The following ZNF618 variants were observed in gnomAD, a reference collection of about 807,000 sequenced individuals.
The protein encoded by ZNF618 is neural precursor cell expressed, developmentally down-regulated 10.
ZNF618 carries 34 observed loss-of-function variants against 103.0 expected under a neutral mutation model. The ratio of observed to expected loss-of-function variants is 0.33; its 90% CI spans 0.25 to 0.44. The LOEUF (loss-of-function observed/expected upper bound fraction) is 0.44. Ranked by LOEUF, ZNF618 falls within the 20% of genes least tolerant of loss-of-function variation. The pLI is 1.00. For missense variants in ZNF618, 1,059 were observed against 1,295.4 expected, an observed-to-expected ratio of 0.82 and a Z score of 2.80; for synonymous variants, 551 against 542.2, an observed-to-expected ratio of 1.02 and a Z score of -0.23.
At chr9:113,974,673 T>C (rs904630356) in intron 2 of ZNF618, among the ~76,000 whole-genome samples, 1 of 152,070 alleles carries the variant, frequency 6.6e-6, no homozygotes, top group Non-Finnish European at 1.5e-5. Flanking sequence ...CAGCCTCCTG[T>C]GTGTTTCTTG....
intron 1 of ZNF618, among the ~76,000 whole-genome samples, chr9:113,964,265 CA>C (rs1402960937): frequency 6.6e-6 from 1 of 152,210 alleles, no homozygotes; most frequent in Non-Finnish European, 1.5e-5. Context: ...AAAGGCATTT[CA>C]TTCTTCGAGA....
intron 1 of ZNF618, among the ~76,000 whole-genome samples, chr9:113,914,965 CCT>C (rs984380958): frequency 7.2e-5 from 11 of 152,282 alleles, no homozygotes; most frequent in African/African-American, 2.6e-4. Flanking sequence ...AATTTGCACC[CCT>C]GTCTAAGAAC....
At chr9:113,894,032 A>G (rs187761035) in intron 1 of ZNF618, among the ~76,000 whole-genome samples, 7 of 152,330 alleles carry the variant, frequency 4.6e-5, no homozygotes, top group African/African-American at 1.2e-4. Context: ...AAGAGTCATA[A>G]TACCACAGTG....
At chr9:113,911,446 A>G (rs921671291) in intron 1 of ZNF618, among the ~76,000 whole-genome samples, 3 of 151,974 alleles carry the variant, frequency 2.0e-5, no homozygotes, top group Admixed American at 6.6e-5. Context: ...CTCCTGTCTT[A>G]GCCTCCCGAG....
chr9:114,036,747 CAG>C (rs1932755234), intron 13 of ZNF618, among the ~76,000 whole-genome samples: 1 of 152,184 alleles, frequency 6.6e-6, no homozygotes, highest in South Asian at 2.1e-4. Flanking sequence ...TGAGCAGAGA[CAG>C]AAGGTGGGGA....
chr9:113,951,455 A>ATGTG (rs1308606497), intron 1 of ZNF618, among the ~76,000 whole-genome samples: 8,487 of 33,302 alleles, frequency 0.25, 2,530 homozygotes, highest in Middle Eastern at 0.4. Context: ...ATATGTGTAT[A>ATGTG]TATACATATA....
intron 12 of ZNF618, among the ~76,000 whole-genome samples, chr9:114,034,472 A>G (rs984306569): frequency 2.0e-5 from 3 of 152,134 alleles, no homozygotes; most frequent in Non-Finnish European, 4.4e-5. Context: ...CCATTGATTG[A>G]GCGCTTACTG....
chr9:113,994,342 G>T (rs775521343), intron 3 of ZNF618, among the ~76,000 whole-genome samples: 1 of 152,188 alleles, frequency 6.6e-6, no homozygotes, highest in Non-Finnish European at 1.5e-5. Flanking sequence ...ATAGGTTGTT[G>T]GCAGGGCCTC....
intron 1 of ZNF618, among the ~76,000 whole-genome samples, chr9:113,903,042 G>A (rs186170631): frequency 8.4e-4 from 128 of 152,314 alleles, no homozygotes; most frequent in Non-Finnish European, 1.6e-3. Context: ...TTTGAAAGAA[G>A]CAAAAGGAAT....
chr9:114,038,403 G>C (rs1564334616), intron 13 of ZNF618, among the ~76,000 whole-genome samples: 1 of 152,222 alleles, frequency 6.6e-6, no homozygotes. Context: ...TTCTGGTTCA[G>C]CGCAGCCAGA....
intron 3 of ZNF618, among the ~76,000 whole-genome samples, chr9:113,991,631 T>C (rs10817548): frequency 0.59 from 89,896 of 152,024 alleles, 27,071 homozygotes; most frequent in Middle Eastern, 0.73. Flanking sequence ...AGAAGTAAGC[T>C]ATTGTGATAT....
chr9:114,016,630 C>T, intron 9 of ZNF618, 65 bp from the exon 10 acceptor site: 2 of 1,295,462 alleles, frequency 1.5e-6, no homozygotes, highest in Non-Finnish European at 1.1e-6. Context: ...GGGGTGGGAG[C>T]ACGCTGATGC....
At chr9:113,885,336 G>C (rs1828962251) in intron 1 of ZNF618, among the ~76,000 whole-genome samples, 1 of 152,194 alleles carries the variant, frequency 6.6e-6, no homozygotes, top group African/African-American at 2.4e-5. Context: ...AATGACATAA[G>C]ATAACAAGTT....
At chr9:114,024,335 C>T (rs1417721907) in intron 10 of ZNF618, among the ~76,000 whole-genome samples, 1 of 151,698 alleles carries the variant, frequency 6.6e-6, no homozygotes, top group African/African-American at 2.4e-5. Context: ...CTTGTCATTT[C>T]TGTATGTTTC....
chr9:113,901,501 T>G (rs1316690312), intron 1 of ZNF618, among the ~76,000 whole-genome samples: 3 of 152,238 alleles, frequency 2.0e-5, no homozygotes, highest in African/African-American at 7.2e-5. Context: ...AACAAAATGC[T>G]GACAACTTGA....
At chr9:113,955,333 T>C (rs1836179397) in intron 1 of ZNF618, among the ~76,000 whole-genome samples, 1 of 144,604 alleles carries the variant, frequency 6.9e-6, no homozygotes, top group African/African-American at 2.5e-5. Flanking sequence ...GAAAACAGAA[T>C]TGTAGAATAA....
chr9:113,950,856 GGA>G (rs1431368865), intron 1 of ZNF618, among the ~76,000 whole-genome samples: 2 of 151,934 alleles, frequency 1.3e-5, no homozygotes, highest in Non-Finnish European at 2.9e-5. Flanking sequence ...AAGATGGGGA[GGA>G]GAGTTGGCCA....
chr9:113,945,346 A>C (rs533097017), intron 1 of ZNF618, among the ~76,000 whole-genome samples: 11 of 152,300 alleles, frequency 7.2e-5, no homozygotes, highest in African/African-American at 2.6e-4. Context: ...GGATGCTGTC[A>C]TGGGGGAAAG....
intron 1 of ZNF618, among the ~76,000 whole-genome samples, chr9:113,898,396 A>G (rs1021780581): frequency 6.1e-5 from 9 of 148,560 alleles, no homozygotes; most frequent in South Asian, 4.2e-4. Context: ...GGCCTGGTCT[A>G]TATCCTAAAA....
Sources: gnomAD v4.1 joint callset for allele counts (sites outside exome capture counted in the v4.1 genomes callset) on GRCh38, gnomAD v4.1.1 for gene constraint, MANE v1.5 for transcripts, NCBI Gene and HGNC (gene_info 2026-07-23, HGNC 2026-07-21) for gene names.